Variants in DLG1 observed in about 807,000 individuals in gnomAD.
The protein encoded by DLG1 is discs large MAGUK scaffold protein 1.
DLG1 carries 42 observed loss-of-function variants against 123.4 expected under a neutral mutation model. The ratio of observed to expected loss-of-function variants is 0.34; its 90% CI spans 0.27 to 0.44. DLG1 has a LOEUF of 0.44. Ranked by LOEUF, DLG1 falls within the 20% of genes least tolerant of loss-of-function variation. The pLI is 1.00. For missense variants in DLG1, 942 were observed against 1,082.6 expected (o/e 0.87, Z 1.82); for synonymous variants, 317 against 356.2 (o/e 0.89, Z 1.24).
chr3:197,081,157 C>T (rs1560526900), intron 16 of DLG1, 40 bp from the exon 17 acceptor site: 2 of 1,571,626 alleles, frequency 1.3e-6, no homozygotes, highest in Non-Finnish European at 1.7e-6. Flanking sequence ...GTAAACCAAA[C>T]ATATCTGGGG....
At chr3:197,173,600 T>A (rs1478301636) in intron 5 of DLG1, among the ~76,000 whole-genome samples, 2 of 152,182 alleles carry the variant, frequency 1.3e-5, no homozygotes, top group East Asian at 1.9e-4. Flanking sequence ...CCACTACATT[T>A]TACTGCAAAG....
intron 4 of DLG1, among the ~76,000 whole-genome samples, chr3:197,199,989 A>C (rs1724753924): frequency 6.6e-6 from 1 of 152,164 alleles, no homozygotes; most frequent in Non-Finnish European, 1.5e-5. Context: ...CTTTGACATA[A>C]AACTTTACAC....
At chr3:197,290,620 T>C (rs1279623611) in intron 3 of DLG1, among the ~76,000 whole-genome samples, 1 of 151,338 alleles carries the variant, frequency 6.6e-6, no homozygotes, top group African/African-American at 2.4e-5. Context: ...TAAAAAAAAG[T>C]AAGAGTGGAA....
chr3:197,116,164 A>G, intron 12 of DLG1, 81 bp from the exon 13 acceptor site: 1 of 1,085,274 alleles, frequency 9.2e-7, no homozygotes, highest in Non-Finnish European at 1.3e-6. Flanking sequence ...CCTACTGATA[A>G]TTTTTATGTT....
chr3:197,249,993 G>T (rs1422876526), intron 4 of DLG1, among the ~76,000 whole-genome samples: 1 of 152,122 alleles, frequency 6.6e-6, no homozygotes, highest in Non-Finnish European at 1.5e-5. Flanking sequence ...TTTCCTCTAA[G>T]GTCTGGACCA....
At chr3:197,141,194 T>C (rs1175213498) in intron 7 of DLG1, among the ~76,000 whole-genome samples, 2 of 152,172 alleles carry the variant, frequency 1.3e-5, no homozygotes, top group African/African-American at 2.4e-5. Context: ...TCTATTTTAA[T>C]AAAAAAATGT....
chr3:197,246,842 A>G (rs769434268), intron 4 of DLG1, among the ~76,000 whole-genome samples: 4 of 152,140 alleles, frequency 2.6e-5, no homozygotes, highest in Admixed American at 6.6e-5. Context: ...TTACCATCCC[A>G]TTGAGGGTCT....
chr3:197,132,400 C>A (rs996133693), intron 10 of DLG1, among the ~76,000 whole-genome samples: 1 of 151,764 alleles, frequency 6.6e-6, no homozygotes, highest in Non-Finnish European at 1.5e-5. Flanking sequence ...CTAATTTGTA[C>A]CTTTATAGTT....
chr3:197,127,457 A>AAAATATATATAT (rs1780111833), intron 11 of DLG1, among the ~76,000 whole-genome samples: 1 of 20,830 alleles, frequency 4.8e-5, no homozygotes, highest in African/African-American at 1.6e-4. Context: ...AAAAAAAAAA[A>AAAATATATATAT]ATATATATAT....
At chr3:197,217,128 A>T (rs974516464) in intron 4 of DLG1, among the ~76,000 whole-genome samples, 2 of 152,242 alleles carry the variant, frequency 1.3e-5, no homozygotes, top group Non-Finnish European at 2.9e-5. Context: ...TGTGACAAGA[A>T]CTTGGACCAT....
At chr3:197,162,396 G>A (rs530634216) in intron 5 of DLG1, among the ~76,000 whole-genome samples, 2 of 152,188 alleles carry the variant, frequency 1.3e-5, no homozygotes, top group Admixed American at 1.3e-4. Flanking sequence ...AAGTTGTTTA[G>A]TAATAAGACC....
rs775565630 is a variant in DLG1 at position 197,059,895 on chromosome 3, T to C, written c.2477A>G (p.Asn826Ser). Residue 826 changes from asparagine to serine, a missense_variant, in exon 23 of 25, where the codon AAT becomes AGT. By Grantham distance (46) the Asn-to-Ser change is conservative (BLOSUM62 1). Transcript: ENST00000667157. ...SIFIKPKSME[N>S]IMEMNKRLTE... ...CTTAGGCATTTACACTTACATGATA[T>C]TTTCCATGGATTTGGGTTTAATAAA... 6.2e-6 allele frequency: 10 copies of C among 1,609,338 alleles called. No individual in the cohort carries two copies. Among genetic ancestry groups the C allele is most frequent in the Admixed American group, 1.7e-5 (1 of 59,942 alleles).
intron 4 of DLG1, among the ~76,000 whole-genome samples, chr3:197,265,660 C>T (rs1761373673): frequency 6.6e-6 from 1 of 152,158 alleles, no homozygotes; most frequent in Non-Finnish European, 1.5e-5. Flanking sequence ...TGGAACAAAA[C>T]CCAGAGCTCA....
rs1721188151 is a variant in DLG1, at chr3:197,043,354, A to C, written c.*1269T>G. 6.6e-6 allele frequency: 1 copy of C among 152,154 alleles called. No homozygotes were observed. The highest frequency in any genetic ancestry group is 1.5e-5 in the Non-Finnish European group (1 of 68,032). The allele number at this position is 152,154 out of a possible 1,614,324, so 9.4% of individuals were successfully genotyped here. On this transcript the variant is annotated 3_prime_UTR_variant, in exon 25 of 25. Coordinates refer to ENST00000667157, the MANE Select transcript of DLG1 (RefSeq NM_001366207.1). ...ACAGTAACAACACGGACAACAACAA[A>C]AAACCTCAGGAACCATTTGAAAACC...
intron 14 of DLG1, among the ~76,000 whole-genome samples, chr3:197,099,971 A>G (rs1264513052): frequency 6.6e-6 from 1 of 152,220 alleles, no homozygotes; most frequent in Non-Finnish European, 1.5e-5. Context: ...GCCTTGTGGA[A>G]TCTGACAGGC....
chr3:197,288,520 G>C (rs1270846390), intron 3 of DLG1, among the ~76,000 whole-genome samples: 1 of 150,338 alleles, frequency 6.7e-6, no homozygotes, highest in African/African-American at 2.4e-5. Context: ...TCAGGAGTTC[G>C]AGACCAACCT....
At chr3:197,170,837 TGTC>T (rs1386449425) in intron 5 of DLG1, among the ~76,000 whole-genome samples, 1 of 152,208 alleles carries the variant, frequency 6.6e-6, no homozygotes, top group Non-Finnish European at 1.5e-5. Flanking sequence ...CTGCCTAGGT[TGTC>T]TTCTTAGGTT....
intron 14 of DLG1, among the ~76,000 whole-genome samples, chr3:197,097,910 G>A (rs1183528853): frequency 6.6e-6 from 1 of 151,986 alleles, no homozygotes; most frequent in African/African-American, 2.4e-5. Flanking sequence ...AGTCTCACTG[G>A]TTTATGTTTC....
chr3:197,254,275 A>G (rs1163754642), intron 4 of DLG1, among the ~76,000 whole-genome samples: 1 of 152,228 alleles, frequency 6.6e-6, no homozygotes, highest in Admixed American at 6.5e-5. Context: ...CTGCAGTCTC[A>G]CAGTTCATAC....
Sources: gnomAD v4.1 joint callset for allele counts (sites outside exome capture counted in the v4.1 genomes callset) on GRCh38, gnomAD v4.1.1 for gene constraint, MANE v1.5 for transcripts, NCBI Gene and HGNC (gene_info 2026-07-23, HGNC 2026-07-21) for gene names.